Variants in SIGLEC14 observed in about 807,000 individuals in gnomAD.
The protein encoded by SIGLEC14 is sialic acid-binding Ig-like lectin 14.
In SIGLEC14, 11 loss-of-function variants were observed where a neutral mutation model predicts 34.2. That is an observed-to-expected ratio of 0.32 (90% CI 0.20 to 0.53). The LOEUF (loss-of-function observed/expected upper bound fraction) is 0.53, where lower values mean the gene tolerates loss of function less well. Among genes scored for constraint, SIGLEC14 ranks in the 20% least tolerant of loss-of-function variants. The probability of loss-of-function intolerance (pLI) is 0.95; values close to 1 mark genes in which losing one functional copy is unlikely to be tolerated. For missense variants in SIGLEC14, 264 were observed against 439.0 expected, an observed-to-expected ratio of 0.60 and a Z score of 3.56; for synonymous variants, 99 against 179.7, an observed-to-expected ratio of 0.55 and a Z score of 3.59.
intron 4 of SIGLEC14, among the ~76,000 whole-genome samples, chr19:51,644,488 T>A (rs1164221465): frequency 7.3e-6 from 1 of 137,728 alleles, no homozygotes; most frequent in Non-Finnish European, 1.5e-5. Flanking sequence ...GAGTTAGCAC[T>A]GGATCTAGAA....
At chr19:51,643,475 G>A in intron 6 of SIGLEC14, 62 bp downstream of exon 6, 1 of 1,330,010 alleles carries the variant, frequency 7.5e-7, no homozygotes, top group Admixed American at 2.3e-5. Flanking sequence ...CTGTCCTGGG[G>A]CAGGACAGCT....
Position 51,643,263 on chromosome 19 carries a change from T to G in SIGLEC14, c.*92A>C. The G allele has an allele frequency of 4.8e-5, 59 of 1,235,218 alleles. No homozygotes were observed. The highest frequency in any genetic ancestry group is 5.9e-5 in the Non-Finnish European group (52 of 884,242). The allele number at this position is 1,235,218 out of a possible 1,614,324, so 76.5% of individuals were successfully genotyped here. ...GAAAAGAGGGGTAGTCAGTGGGATG[T>G]GAGCTTCCAGAAAGAAGCTGACAGT... On this transcript the variant is annotated 3_prime_UTR_variant, in exon 7 of 7. Coordinates refer to ENST00000360844, the MANE Select transcript of SIGLEC14 (RefSeq NM_001098612.3).
In SIGLEC14 at chr19:51,643,597, C is replaced by G. The variant is rs759407604; in HGVS notation, c.1088G>C (p.Gly363Ala). 2.6e-6 allele frequency: 4 copies of G among 1,530,020 alleles called. 1 individual carries two copies. Among genetic ancestry groups the G allele is most frequent in the Non-Finnish European group, 3.5e-6 (4 of 1,140,396 alleles). The allele number at this position is 1,530,020 out of a possible 1,614,324, so 94.8% of individuals were successfully genotyped here. Residue 363 changes from glycine to alanine, a missense_variant, in exon 6 of 7, where the codon GGG becomes GCG. By Grantham distance (60) the Gly-to-Ala change is moderately conservative (BLOSUM62 0). This residue lies in a region of SIGLEC14 where 149 missense variants were observed against 184.4 expected (regional missense o/e 0.81). Coordinates refer to ENST00000360844, the MANE Select transcript of SIGLEC14 (RefSeq NM_001098612.3). The part of the protein sequence containing the change: ...SWPLVLTLIR[G>A]ALMGAGFLLT... ...GAGGAAGCCAGCCCCCATGAGAGCC[C>G]CCCTGATCAGGGTGAGGACGAGGGG...
intron 4 of SIGLEC14, among the ~76,000 whole-genome samples, chr19:51,645,254 T>C (rs371564944): frequency 2.2e-5 from 3 of 138,766 alleles, no homozygotes; most frequent in Non-Finnish European, 4.6e-5. Context: ...TTTCTCACAA[T>C]GAAAAAATAA....
At chr19:51,643,483 G>GGGGGGGGGGGGCCCCCCCCCCCCCCC in intron 6 of SIGLEC14, 54 bp downstream of exon 6, 1 of 1,297,886 alleles carries the variant, frequency 7.7e-7, no homozygotes. Flanking sequence ...GGGCAGGACA[G>GGGGGGGGGGGGCCCCCCCCCCCCCCC]CTCAGCCCCA....
Position 51,640,919 on chromosome 19 carries a change from G to A in SIGLEC14, c.*2436C>T, listed in dbSNP as rs141480110. 0.025 allele frequency among the ~76,000 whole-genome samples: 3,423 copies of A among 138,868 alleles called. 593 individuals are homozygous for A. The highest frequency in any genetic ancestry group is 0.067 in the East Asian group (199 of 2,988). The allele number at this position is 138,868 out of a possible 152,430, so 91.1% of individuals were successfully genotyped here. ...GTACCTGGGAGGCGGAGGTTGCAGTGAGCCAAGATCGCGCCATTGCACTCC... is the reference window on the plus strand; with the variant it reads ...GTACCTGGGAGGCGGAGGTTGCAGTAAGCCAAGATCGCGCCATTGCACTCC... On this transcript the variant is annotated 3_prime_UTR_variant, in exon 7 of 7. Transcript: ENST00000360844.
rs1283350479 is a variant in SIGLEC14 at position 51,646,506 on chromosome 19, C to T, written c.172G>A (p.Val58Ile). Residue 58 changes from valine (V) to isoleucine (I), a missense_variant, in exon 2 of 7, where the codon GTC (valine) becomes ATC (isoleucine). Transcript: ENST00000360844. The stretch of plus-strand genomic sequence containing the variant: ...ATCTCCCCGTCCCGGAACCAGTAGA[C>T]GTAGAGTGGGGGAGAGGAATACCAG... ...RSWYSSPPLY[V>I]YWFRDGEIPY... The T allele has an allele frequency of 5.1e-6, 3 of 589,000 alleles. No individual in the cohort carries two copies. The highest frequency in any genetic ancestry group is 7.9e-6 in the Non-Finnish European group (3 of 378,842). The allele number at this position is 589,000 out of a possible 1,614,324, so 36.5% of individuals were successfully genotyped here. A position where few individuals can be genotyped will look rare whatever the true frequency, so the allele number is the denominator to read the frequency against.
In SIGLEC14 at chr19:51,641,841, A is replaced by G. The variant is rs117016974; in HGVS notation, c.*1514T>C. ...AGGATGAGGAAAATAACTAATGGGTACTAGGCTTAATATCTGGGTGATGCA... is the reference window on the plus strand; with the variant it reads ...AGGATGAGGAAAATAACTAATGGGTGCTAGGCTTAATATCTGGGTGATGCA... On this transcript the variant is annotated 3_prime_UTR_variant, in exon 7 of 7. Coordinates refer to ENST00000360844, the MANE Select transcript of SIGLEC14 (RefSeq NM_001098612.3). Among the ~76,000 whole-genome samples the G allele has an allele frequency of 0.031, 4,300 of 138,818 alleles. 833 individuals carry two copies. Among genetic ancestry groups the G allele is most frequent in the East Asian group, 0.18 (523 of 2,946 alleles). 91.1% of individuals were successfully genotyped at this position (138,818 alleles called of 152,430 possible).
At chr19:51,645,647 T>C (rs1188923573) in intron 3 of SIGLEC14, 117 bp from the exon 4 acceptor site, 2 of 1,451,270 alleles carry the variant, frequency 1.4e-6, no homozygotes, top group South Asian at 1.3e-5. Flanking sequence ...CTGTCCTTCC[T>C]GCCCACACAC....
At chr19:51,646,124 G>C in intron 2 of SIGLEC14, 64 bp from the exon 3 acceptor site, 1 of 799,882 alleles carries the variant, frequency 1.3e-6, no homozygotes, top group Non-Finnish European at 1.8e-6. Context: ...GTGACCCCGA[G>C]AGTGGCCAGG....
At chr19:51,643,483 G>GGGGGGGGGGGGGGGGCCCCCCCCCCCC in intron 6 of SIGLEC14, 54 bp downstream of exon 6, 2 of 1,297,884 alleles carry the variant, frequency 1.5e-6, no homozygotes, top group Admixed American at 2.4e-5. Flanking sequence ...GGGCAGGACA[G>GGGGGGGGGGGGGGGGCCCCCCCCCCCC]CTCAGCCCCA....
In SIGLEC14 at chr19:51,641,759, T is replaced by C. The variant is rs185793344; in HGVS notation, c.*1596A>G. Among the ~76,000 whole-genome samples, 2 of 138,808 alleles carry C rather than the reference T, an allele frequency of 1.4e-5. 1 individual carries two copies. Among genetic ancestry groups the C allele is most frequent in the East Asian group, 6.7e-4 (2 of 2,998 alleles). The allele number at this position is 138,808 out of a possible 152,430, so 91.1% of individuals were successfully genotyped here. A position where few individuals can be genotyped will look rare whatever the true frequency, so the allele number is the denominator to read the frequency against. ...TAAATGATGAGAACACATGGATACA[T>C]AGAGGTGAGCAACACACACTGGGGC... On this transcript the variant is annotated 3_prime_UTR_variant, in exon 7 of 7. Coordinates refer to ENST00000360844, the MANE Select transcript of SIGLEC14 (RefSeq NM_001098612.3).
At position 51,642,405 on chromosome 19, in the gene SIGLEC14, G is replaced by A. The variant is rs1343561805; in HGVS notation, c.*950C>T. On this transcript the variant is annotated 3_prime_UTR_variant, in exon 7 of 7. Coordinates refer to ENST00000360844, the MANE Select transcript of SIGLEC14 (RefSeq NM_001098612.3). ...GGTATTGCCTTCTTGTATATGGACA[G>A]AAGGAGAATCACTTGAACCTGGGAG... 1 of 137,718 alleles carries A rather than the reference G, an allele frequency of 7.3e-6. No individual in the cohort carries two copies. Among genetic ancestry groups the A allele is most frequent in the Admixed American group, 7.0e-5 (1 of 14,298 alleles). The allele number at this position is 137,718 out of a possible 1,614,324, so 8.5% of individuals were successfully genotyped here.
In SIGLEC14 at chr19:51,645,174, G is replaced by A. The variant is rs141853835; in HGVS notation, c.754+303C>T. 2.2e-3 allele frequency among the ~76,000 whole-genome samples: 310 copies of A among 139,322 alleles called. 49 individuals are homozygous for A. The highest frequency in any genetic ancestry group is 7.6e-3 in the African/African-American group (280 of 36,720). The allele number at this position is 139,322 out of a possible 152,430, so 91.4% of individuals were successfully genotyped here. ...CTGCAGTTTGGTTTTGCAACAATGT[G>A]AACACATTTAACACTGCTGAACTGT... On this transcript the variant is annotated intron_variant, in intron 4 of 6. Transcript: ENST00000360844.
At position 51,640,745 on chromosome 19, in the gene SIGLEC14, G is replaced by A. The variant is rs576375761; in HGVS notation, c.*2610C>T. 7.2e-5 allele frequency among the ~76,000 whole-genome samples: 10 copies of A among 138,954 alleles called. 2 individuals are homozygous for A. Among genetic ancestry groups the A allele is most frequent in the East Asian group, 6.7e-4 (2 of 3,000 alleles). The allele number at this position is 138,954 out of a possible 152,430, so 91.2% of individuals were successfully genotyped here. ...ATCCCAGCACTTTGGAGGCTGAGGC[G>A]GGTGGATCACCTGAAGTCAGGAGTT... On this transcript the variant is annotated 3_prime_UTR_variant, in exon 7 of 7. Coordinates refer to ENST00000360844, the MANE Select transcript of SIGLEC14 (RefSeq NM_001098612.3).
chr19:51,643,483 G>GGGGGGGGGGGGCCCCCCCCCCCC, intron 6 of SIGLEC14, 54 bp downstream of exon 6: 13 of 1,297,816 alleles, frequency 1.0e-5, no homozygotes, highest in East Asian at 5.4e-5. Flanking sequence ...GGGCAGGACA[G>GGGGGGGGGGGGCCCCCCCCCCCC]CTCAGCCCCA....
At chr19:51,644,356 A>G (rs1983984634) in intron 4 of SIGLEC14, among the ~76,000 whole-genome samples, 1 of 137,222 alleles carries the variant, frequency 7.3e-6, no homozygotes, top group South Asian at 2.5e-4. Flanking sequence ...GAGGACCCAG[A>G]GCTCCCAAGA....
intron 3 of SIGLEC14, 77 bp from the exon 4 acceptor site, chr19:51,645,607 G>C: frequency 1.4e-6 from 2 of 1,472,336 alleles, no homozygotes; most frequent in Non-Finnish European, 9.2e-7. Context: ...ACCCAAGGAG[G>C]GGCCACAGAA....
rs1983900198 is a variant in SIGLEC14 at position 51,641,294 on chromosome 19, A to G, written c.*2061T>C. ...CATGGAGCATTCACCAAGATAGACC[A>G]GTGTCATCAAGCAAACTTAACCAAT... On this transcript the variant is annotated 3_prime_UTR_variant, in exon 7 of 7. Transcript: ENST00000360844. Among the ~76,000 whole-genome samples, 1 of 139,432 alleles carries G rather than the reference A, an allele frequency of 7.2e-6. No individual in the cohort carries two copies. The highest frequency in any genetic ancestry group is 1.5e-5 in the Non-Finnish European group (1 of 65,058). 91.5% of individuals were successfully genotyped at this position (139,432 alleles called of 152,430 possible). A position where few individuals can be genotyped will look rare whatever the true frequency, so the allele number is the denominator to read the frequency against.
Sources: gnomAD v4.1 joint callset for allele counts (sites outside exome capture counted in the v4.1 genomes callset) on GRCh38, gnomAD v4.1.1 for gene constraint, gnomAD v4.1.1 regional missense constraint, MANE v1.5 for transcripts, NCBI Gene and HGNC (gene_info 2026-07-23, HGNC 2026-07-21) for gene names.